TNRC18: variants seen among roughly 807,000 people sequenced by gnomAD.
The protein encoded by TNRC18 is trinucleotide repeat containing 18.
In TNRC18, 69 loss-of-function variants were observed where a neutral mutation model predicts 226.7. That is an observed-to-expected ratio of 0.30 (90% CI 0.25 to 0.37). The LOEUF (loss-of-function observed/expected upper bound fraction) is 0.37, where lower values mean the gene tolerates loss of function less well. Ranked by LOEUF, TNRC18 falls within the 10% of genes least tolerant of loss-of-function variation. TNRC18 has a pLI of 1.00. For synonymous variants in TNRC18, 2,449 were observed against 1,927.6 expected, an observed-to-expected ratio of 1.27 and a Z score of -7.09; for missense variants, 4,754 against 4,256.6, an observed-to-expected ratio of 1.12 and a Z score of -3.25.
intron 17 of TNRC18, among the ~76,000 whole-genome samples, chr7:5,350,617 AG>A (rs1791688493): frequency 6.6e-6 from 1 of 152,168 alleles, no homozygotes; most frequent in South Asian, 2.1e-4. Context: ...TCCTAAAACC[AG>A]GGCTAGGAAA....
rs1228877134 is a variant in TNRC18, at chr7:5,345,607, C to T, written c.5674G>A (p.Ala1892Thr). Residue 1892 changes from alanine (A) to threonine (T), a missense_variant, in exon 18 of 30, where the codon GCC becomes ACC. By Grantham distance (58) the Ala-to-Thr change is moderately conservative (BLOSUM62 0). Transcript: ENST00000430969. ...TCTTTCTTCCGGGCCTTCTGCTTGG[C>T]CTCCAGCTGTACCACAGACAGGGAT... ...GPSLSVVQLE[A>T]KQKARKKEER... The T allele has an allele frequency of 4.2e-6, 6 of 1,434,618 alleles. No individual in the cohort carries two copies. The African/African-American group carries it at 7.3e-5, about 17-fold the overall frequency. 88.9% of individuals were successfully genotyped at this position (1,434,618 alleles called of 1,614,324 possible).
intron 2 of TNRC18, among the ~76,000 whole-genome samples, chr7:5,408,680 AAGC>A (rs1234536157): frequency 6.6e-6 from 1 of 152,172 alleles, no homozygotes; most frequent in African/African-American, 2.4e-5. Flanking sequence ...GGAAGCAAGA[AAGC>A]AGAGAGACAA....
rs1178735212 is a variant in TNRC18, at chr7:5,377,156, G to T, written c.2462-163C>A. Among the ~76,000 whole-genome samples the T allele has an allele frequency of 6.6e-6, 1 of 152,216 alleles. No individual in the cohort carries two copies. Among genetic ancestry groups the T allele is most frequent in the Admixed American group, 6.5e-5 (1 of 15,286 alleles). The stretch of plus-strand genomic sequence containing the variant: ...CTGGCTGGCTGCAAAGAGCACCCCA[G>T]AGCCACCCGCATTGGGCATCTGCCC... On this transcript the variant is annotated intron_variant, in intron 7 of 29. Coordinates refer to ENST00000430969, the MANE Select transcript of TNRC18 (RefSeq NM_001080495.3). This position sits in a 1 kb window ranked among gnomAD's most constrained non-coding sequence, Gnocchi z 5.8.
rs954281474 is a variant in TNRC18, at chr7:5,377,265, C to T, written c.2461+106G>A. ...ACGAATGCGGGAGGCAGGCCCAGGCCCCCCAGGAAACGGCAGGCAGGAGCC... is the reference window on the plus strand; with the variant it reads ...ACGAATGCGGGAGGCAGGCCCAGGCTCCCCAGGAAACGGCAGGCAGGAGCC... On this transcript the variant is annotated intron_variant, in intron 7 of 29. Transcript: ENST00000430969. The surrounding 1 kb of genome is among the most constrained non-coding windows in gnomAD (Gnocchi z 5.8). The T allele has an allele frequency of 7.9e-7, 1 of 1,269,550 alleles. No individual in the cohort carries two copies. The highest frequency in any genetic ancestry group is 1.5e-5 in the African/African-American group (1 of 66,162). 78.6% of individuals were successfully genotyped at this position (1,269,550 alleles called of 1,614,324 possible). A position where few individuals can be genotyped will look rare whatever the true frequency, so the allele number is the denominator to read the frequency against.
intron 26 of TNRC18, 106 bp from the exon 27 acceptor site, chr7:5,313,969 GTTTT>G (rs11292393): frequency 1.8e-6 from 2 of 1,088,024 alleles, no homozygotes; most frequent in African/African-American, 3.3e-5. Context: ...TTTTGTTTTT[GTTTT>G]TTTTTTGAGA....
At chr7:5,390,044 T>G in intron 4 of TNRC18, 1 of 232,206 alleles carries the variant, frequency 4.3e-6, no homozygotes, top group Non-Finnish European at 8.2e-6. Flanking sequence ...CCAAGGAGCC[T>G]GTGGGGGGTC....
At chr7:5,353,504 C>T (rs1229807657) in intron 16 of TNRC18, among the ~76,000 whole-genome samples, 11 of 140,310 alleles carry the variant, frequency 7.8e-5, no homozygotes, top group African/African-American at 2.4e-4. Flanking sequence ...GGTTGCAGTG[C>T]GGCCGAGATC....
intron 18 of TNRC18, among the ~76,000 whole-genome samples, chr7:5,344,116 C>A (rs1423344328): frequency 1.3e-5 from 2 of 152,182 alleles, no homozygotes; most frequent in Non-Finnish European, 2.9e-5. Flanking sequence ...ATGCCAATAC[C>A]TTGGGCAGTC....
chr7:5,420,675 G>C (rs997193942), intron 2 of TNRC18: 1 of 487,730 alleles, frequency 2.1e-6, no homozygotes, highest in Non-Finnish European at 4.0e-6. Context: ...CCAAGAAAAA[G>C]ATTCGAGCTC....
intron 2 of TNRC18, among the ~76,000 whole-genome samples, chr7:5,412,587 ATAAAAT>A (rs1372522193): frequency 4.7e-5 from 7 of 150,004 alleles, no homozygotes; most frequent in African/African-American, 1.8e-4. Flanking sequence ...AAAAAATAAA[ATAAAAT>A]AAAATAAAAA....
At chr7:5,325,280 A>G (rs1429483196) in intron 19 of TNRC18, 32 bp from the exon 20 acceptor site, 2 of 1,541,568 alleles carry the variant, frequency 1.3e-6, no homozygotes, top group Admixed American at 3.9e-5. Context: ...AGGAGCCATC[A>G]AACGGCAGGG....
At chr7:5,352,220 G>A (rs1304549482) in intron 16 of TNRC18, 126 bp from the exon 17 acceptor site, 11 of 980,908 alleles carry the variant, frequency 1.1e-5, no homozygotes, top group Non-Finnish European at 1.6e-5. Flanking sequence ...CGAATACCTA[G>A]TAGGCGGCCG....
chr7:5,380,958 C>A (rs1264860918), intron 5 of TNRC18, among the ~76,000 whole-genome samples: 1 of 152,194 alleles, frequency 6.6e-6, no homozygotes. Flanking sequence ...GAGCACAGGG[C>A]TCTCCCCGTG....
intron 2 of TNRC18, among the ~76,000 whole-genome samples, chr7:5,400,104 A>G (rs1780979305): frequency 6.6e-6 from 1 of 152,014 alleles, no homozygotes; most frequent in Admixed American, 6.6e-5. Context: ...TATGTTGCGA[A>G]GTCTGGGGTC....
In TNRC18 at chr7:5,327,039, G is replaced by A. The variant is rs1455218089; in HGVS notation, c.6148-1791C>T. Among the ~76,000 whole-genome samples the A allele has an allele frequency of 5.3e-5, 8 of 151,698 alleles. 1 individual carries two copies. The highest frequency in any genetic ancestry group is 4.2e-4 in the South Asian group (2 of 4,812). On this transcript the variant is annotated intron_variant, in intron 19 of 29. Transcript: ENST00000430969. ...CTCGGGAGGCTGAGGCAGGAGAATC[G>A]CTTGAACCAGGAGACGGACGTTACA...
intron 14 of TNRC18, among the ~76,000 whole-genome samples, chr7:5,360,485 CT>C (rs1792920194): frequency 6.6e-6 from 1 of 152,176 alleles, no homozygotes; most frequent in Non-Finnish European, 1.5e-5. Context: ...CTGCCTCGGC[CT>C]CCTAAAGTGC....
chr7:5,421,035 G>T, intron 2 of TNRC18, 25 bp downstream of exon 2: 1 of 1,534,342 alleles, frequency 6.5e-7, no homozygotes, highest in Non-Finnish European at 8.8e-7. Context: ...GACAGGAGGG[G>T]ACGGGCACGG....
chr7:5,382,455 T>G (rs1450584580), intron 5 of TNRC18, among the ~76,000 whole-genome samples: 3 of 152,062 alleles, frequency 2.0e-5, no homozygotes, highest in African/African-American at 4.8e-5. Flanking sequence ...AACCCAAGGC[T>G]CACGCAGAGG....
At chr7:5,327,933 T>C (rs113271380) in intron 19 of TNRC18, among the ~76,000 whole-genome samples, 61 of 152,064 alleles carry the variant, frequency 4.0e-4, no homozygotes, top group African/African-American at 1.4e-3. Context: ...CATTTAAAAA[T>C]ACTGACAGCC....
Sources: gnomAD v4.1 joint callset for allele counts (sites outside exome capture counted in the v4.1 genomes callset) on GRCh38, gnomAD v4.1.1 for gene constraint, Gnocchi (gnomAD v3.1) non-coding constraint, MANE v1.5 for transcripts, NCBI Gene and HGNC (gene_info 2026-07-23, HGNC 2026-07-21) for gene names.